DDR2: variants seen among roughly 807,000 people sequenced by gnomAD.
The protein encoded by DDR2 is discoidin domain-containing receptor 2.
A neutral mutation model predicts 94.9 loss-of-function variants in DDR2; 27 were observed. That is an observed-to-expected ratio of 0.28 (90% CI 0.21 to 0.39). The LOEUF (loss-of-function observed/expected upper bound fraction) is 0.39. Ranked by LOEUF, DDR2 falls within the 10% of genes least tolerant of loss-of-function variation. DDR2 has a pLI of 1.00. For synonymous variants in DDR2, 382 were observed against 377.2 expected (o/e 1.01, Z -0.15); for missense variants, 783 against 1,076.0 (o/e 0.73, Z 3.81).
In DDR2 at chr1:162,643,522, C is replaced by T. The variant is rs148857526; in HGVS notation, c.-192+10891C>T. Reference sequence around the variant, plus strand: ...CTTGAGATGGAGTCTCGCTCTGTCACCCAGGCTGGAGTGCAGAGGCTCGGT... The same window carrying T: ...CTTGAGATGGAGTCTCGCTCTGTCATCCAGGCTGGAGTGCAGAGGCTCGGT... On this transcript the variant is annotated intron_variant, in intron 1 of 17. Coordinates refer to ENST00000367921, the MANE Select transcript of DDR2 (RefSeq NM_006182.4). Among the ~76,000 whole-genome samples, 281 of 152,236 alleles carry T rather than the reference C, an allele frequency of 1.8e-3. 4 individuals are homozygous for T. In the East Asian group the frequency reaches 0.042, roughly 23 times the overall value.
chr1:162,705,218 A>C (rs538494124), intron 2 of DDR2: 2 of 152,334 alleles, frequency 1.3e-5, no homozygotes, highest in Non-Finnish European at 2.9e-5. Context: ...ATCTCACTAC[A>C]GCCAGGGCCT....
intron 1 of DDR2, among the ~76,000 whole-genome samples, chr1:162,652,282 A>G (rs1160195855): frequency 6.6e-6 from 1 of 152,206 alleles, no homozygotes; most frequent in African/African-American, 2.4e-5. Flanking sequence ...GGACCTACAA[A>G]TGCAAACCAC....
At chr1:162,705,985 A>G (rs1474270228) in intron 2 of DDR2, among the ~76,000 whole-genome samples, 1 of 152,248 alleles carries the variant, frequency 6.6e-6, no homozygotes, top group African/African-American at 2.4e-5. Context: ...AATTTCACAC[A>G]TACACACTAA....
intron 3 of DDR2, among the ~76,000 whole-genome samples, chr1:162,746,985 A>G (rs954460635): frequency 1.3e-5 from 2 of 152,194 alleles, no homozygotes; most frequent in African/African-American, 2.4e-5. Flanking sequence ...AACAAAAAGG[A>G]CATCCACACC....
rs576737330 is a variant in DDR2 at position 162,724,424 on chromosome 1, C to T, written c.82+5279C>T. ...AGGATATACAGTGCTCACACCTAGT[C>T]TCATGCTAAATGAGGAAGGCTGGAG... On this transcript the variant is annotated intron_variant, in intron 3 of 17. Transcript: ENST00000367921. Among the ~76,000 whole-genome samples, 158 of 152,246 alleles carry T rather than the reference C, an allele frequency of 1.0e-3. 1 individual carries two copies. The highest frequency in any genetic ancestry group is 1.7e-3 in the Non-Finnish European group (118 of 68,018).
chr1:162,713,100 A>G (rs1234001660), intron 2 of DDR2, among the ~76,000 whole-genome samples: 2 of 152,218 alleles, frequency 1.3e-5, no homozygotes, highest in African/African-American at 2.4e-5. Flanking sequence ...GTGAGGCTCA[A>G]TGATGTAATG....
intron 3 of DDR2, among the ~76,000 whole-genome samples, chr1:162,737,892 C>T (rs1662390375): frequency 6.6e-6 from 1 of 150,968 alleles, no homozygotes; most frequent in Non-Finnish European, 1.5e-5. Context: ...TTTTGATTTG[C>T]ATTTCTCTGA....
At chr1:162,670,237 A>G (rs1253493578) in intron 2 of DDR2, among the ~76,000 whole-genome samples, 1 of 152,074 alleles carries the variant, frequency 6.6e-6, no homozygotes, top group East Asian at 1.9e-4. Flanking sequence ...CAGCCTCCCC[A>G]GTAGCTGGGA....
intron 2 of DDR2, among the ~76,000 whole-genome samples, chr1:162,690,383 C>T (rs1440415143): frequency 6.6e-6 from 1 of 152,156 alleles, no homozygotes; most frequent in Non-Finnish European, 1.5e-5. Context: ...CATGCCAGCT[C>T]TGCCAAAATG....
Position 162,784,338 on chromosome 1 carries a change from A to T in DDR2, c.*4092A>T, listed in dbSNP as rs1404931103. ...AAAAAGAAAATTGCAATACATGGCT[A>T]CTAAGTCTTTGATCATAAGTCGAAT... On this transcript the variant is annotated 3_prime_UTR_variant, in exon 18 of 18. Transcript: ENST00000367921. The T allele has an allele frequency of 2.6e-5, 4 of 154,322 alleles. No homozygotes were observed. The highest frequency in any genetic ancestry group is 5.9e-5 in the Non-Finnish European group (4 of 68,190). 9.6% of individuals were successfully genotyped at this position (154,322 alleles called of 1,614,324 possible).
Position 162,679,487 on chromosome 1 carries a change from C to A in DDR2, c.-28+24113C>A, listed in dbSNP as rs189612233. ...TTGCTGCAAAGGACATGATCTCATT[C>A]TTTTTTATGGCTGCATAGTATTCCA... On this transcript the variant is annotated intron_variant, in intron 2 of 17. Transcript: ENST00000367921. Among the ~76,000 whole-genome samples the A allele has an allele frequency of 1.6e-4, 25 of 152,240 alleles. No individual in the cohort carries two copies. The East Asian group carries it at 3.3e-3, about 20-fold the overall frequency.
intron 3 of DDR2, among the ~76,000 whole-genome samples, chr1:162,746,115 G>A (rs1662848275): frequency 6.6e-6 from 1 of 152,180 alleles, no homozygotes. Flanking sequence ...CATCTCACTG[G>A]GACTTGTCGG....
chr1:162,704,987 C>T (rs1172216661), intron 2 of DDR2: 1 of 152,248 alleles, frequency 6.6e-6, no homozygotes, highest in Admixed American at 6.5e-5. Context: ...GACCTGGCTC[C>T]TGTGCTTTTC....
Position 162,780,414 on chromosome 1 carries a change from T to TAA in DDR2, c.*169_*170insAA. 5 of 690,296 alleles carry TAA rather than the reference T, an allele frequency of 7.2e-6. No homozygotes were observed. The highest frequency in any genetic ancestry group is 1.0e-5 in the Non-Finnish European group (5 of 482,986). The allele number at this position is 690,296 out of a possible 1,614,324, so 42.8% of individuals were successfully genotyped here. A position where few individuals can be genotyped will look rare whatever the true frequency, so the allele number is the denominator to read the frequency against. On this transcript the variant is annotated 3_prime_UTR_variant, in exon 18 of 18. Transcript: ENST00000367921. Reference sequence around the variant, plus strand: ...ACCCCCACTCCCTACCCCTGACTCATATACACTTTTTTTTTTTTTTACATT... The same window carrying TAA: ...ACCCCCACTCCCTACCCCTGACTCATAAATACACTTTTTTTTTTTTTTACATT...
intron 3 of DDR2, among the ~76,000 whole-genome samples, chr1:162,747,334 G>A (rs1571281888): frequency 6.6e-6 from 1 of 152,264 alleles, no homozygotes; most frequent in African/African-American, 2.4e-5. Context: ...AAGTGACCTG[G>A]TGGAGCTGAA....
intron 2 of DDR2, among the ~76,000 whole-genome samples, chr1:162,690,482 A>G (rs1659914761): frequency 6.6e-6 from 1 of 152,146 alleles, no homozygotes; most frequent in Non-Finnish European, 1.5e-5. Context: ...TTTCCAGCAT[A>G]CCTACCATGT....
At chr1:162,714,489 C>T (rs1325785369) in intron 2 of DDR2, among the ~76,000 whole-genome samples, 7 of 152,286 alleles carry the variant, frequency 4.6e-5, no homozygotes, top group African/African-American at 1.7e-4. Flanking sequence ...TCTGAAACTT[C>T]TTCACCAAGT....
chr1:162,768,187 C>T (rs1043411075), intron 11 of DDR2, among the ~76,000 whole-genome samples: 2 of 152,230 alleles, frequency 1.3e-5, no homozygotes, highest in African/African-American at 2.4e-5. Context: ...TTCTTCAAAA[C>T]TATATTCATT....
intron 3 of DDR2, among the ~76,000 whole-genome samples, chr1:162,727,740 C>A (rs1191962913): frequency 2.0e-5 from 3 of 146,400 alleles, no homozygotes; most frequent in Non-Finnish European, 3.0e-5. Context: ...ACCTCTGAAG[C>A]AGGAAGAAAA....
Sources: allele counts gnomAD v4.1 joint callset (sites outside exome capture counted in the v4.1 genomes callset), GRCh38; gene constraint gnomAD v4.1.1; transcripts MANE v1.5; gene names NCBI Gene and HGNC (gene_info 2026-07-23, HGNC 2026-07-21).